The following LINC00632 variants were observed in gnomAD, a reference collection of about 807,000 sequenced individuals.
The protein encoded by LINC00632 is long independently transcribed non-coding RNA 632, also known as ALDOA related specific transcript.
chrX:140,748,214 A>T (rs980676547), intron 3 of LINC00632, among the ~76,000 whole-genome samples: 1 of 112,151 alleles, frequency 8.9e-6, no homozygotes, highest in African/African-American at 3.2e-5. Flanking sequence ...CTTTACAGAT[A>T]AACAAACTGG....
chrX:140,779,457 T>C (rs762128148), exon 5 of LINC00632, among the ~76,000 whole-genome samples: 12 of 111,973 alleles, frequency 1.1e-4, no homozygotes, highest in Non-Finnish European at 1.7e-4. Context: ...TGACAGTATA[T>C]ATAGTCTAAA....
chrX:140,712,505 C>G (rs1930539256), intron 2 of LINC00632, among the ~76,000 whole-genome samples: 1 of 102,455 alleles, frequency 9.8e-6, no homozygotes, highest in African/African-American at 3.6e-5. Flanking sequence ...GAGGGAAATA[C>G]AAGAAATGTA....
intron 2 of LINC00632, among the ~76,000 whole-genome samples, chrX:140,732,453 C>T (rs1316902839): frequency 1.8e-5 from 2 of 111,659 alleles, no homozygotes; most frequent in East Asian, 2.8e-4. Context: ...TAGACATCCA[C>T]TGGCACACAA....
chrX:140,713,144 A>C (rs866743463), intron 2 of LINC00632, among the ~76,000 whole-genome samples: 18 of 108,758 alleles, frequency 1.7e-4, no homozygotes, highest in Middle Eastern at 4.7e-3. Flanking sequence ...AGTTTTTCTG[A>C]GCTAAACTGC....
At chrX:140,759,476 C>T (rs1437642993) in intron 3 of LINC00632, among the ~76,000 whole-genome samples, 1 of 109,943 alleles carries the variant, frequency 9.1e-6, no homozygotes, top group African/African-American at 3.3e-5. Context: ...CCCGCCTCAG[C>T]CTCCAGAGAA....
At chrX:140,759,289 T>TTTCCTTCCTTCCTTCC (rs796485491) in intron 3 of LINC00632, among the ~76,000 whole-genome samples, 4 of 79,603 alleles carry the variant, frequency 5.0e-5, no homozygotes, top group East Asian at 4.2e-4. Flanking sequence ...TCTTTCTTTC[T>TTTCCTTCCTTCCTTCC]TTCCTTCCTT....
intron 3 of LINC00632, among the ~76,000 whole-genome samples, chrX:140,740,883 G>A (rs1368728331): frequency 8.9e-6 from 1 of 112,235 alleles, no homozygotes; most frequent in Non-Finnish European, 1.9e-5. Flanking sequence ...AATAAAATTA[G>A]AAGCATTCCT....
exon 5 of LINC00632, among the ~76,000 whole-genome samples, chrX:140,787,900 C>G (rs1384258355): frequency 9.1e-6 from 1 of 109,726 alleles, no homozygotes; most frequent in Admixed American, 9.9e-5. Flanking sequence ...GTAAAAGTCC[C>G]AAAAAGAAAA....
intron 2 of LINC00632, among the ~76,000 whole-genome samples, chrX:140,718,718 A>G (rs1014733190): frequency 2.7e-5 from 3 of 111,499 alleles, no homozygotes; most frequent in Non-Finnish European, 5.6e-5. Context: ...GCCTGACTGT[A>G]CCTATTCCGT....
chrX:140,756,226 G>A (rs1931491379), intron 3 of LINC00632, among the ~76,000 whole-genome samples: 1 of 111,950 alleles, frequency 8.9e-6, no homozygotes, highest in South Asian at 3.7e-4. Flanking sequence ...TTTTAGGACA[G>A]ATTTTCTGCA....
At chrX:140,788,854 C>CA in exon 5 of LINC00632, among the ~76,000 whole-genome samples, 1 of 96,361 alleles carries the variant, frequency 1.0e-5, no homozygotes, top group Admixed American at 1.2e-4. Context: ...TATGTATATT[C>CA]CATATATGCA....
intron 3 of LINC00632, among the ~76,000 whole-genome samples, chrX:140,747,529 CAAAAA>C (rs376796176): frequency 7.9e-5 from 5 of 63,248 alleles, no homozygotes; most frequent in Non-Finnish European, 1.4e-4. Flanking sequence ...AAACTCCATC[CAAAAA>C]AAAAAAAAAA....
At chrX:140,713,409 A>C (rs1256481075) in intron 2 of LINC00632, 1 of 286,539 alleles carries the variant, frequency 3.5e-6, no homozygotes, top group East Asian at 1.0e-4. Flanking sequence ...CGGGTTACTT[A>C]AATCTCTTCG....
chrX:140,725,238 TAC>T (rs758165983), intron 2 of LINC00632, among the ~76,000 whole-genome samples: 95 of 20,487 alleles, frequency 4.6e-3, no homozygotes, highest in South Asian at 0.045. Flanking sequence ...ACACATTCCA[TAC>T]ACACACACAC....
At chrX:140,755,335 C>T (rs1464786145) in intron 3 of LINC00632, among the ~76,000 whole-genome samples, 2 of 112,109 alleles carry the variant, frequency 1.8e-5, no homozygotes, top group African/African-American at 6.5e-5. Flanking sequence ...CAATCCTCTG[C>T]CCAAGGTTTT....
At position 140,728,569 on chromosome X, in the gene LINC00632, C is replaced by G. The variant is rs1411666618; in HGVS notation, n.105-5309C>G. 2.7e-5 allele frequency among the ~76,000 whole-genome samples: 3 copies of G among 110,748 alleles called. No homozygotes were observed. The Admixed American group carries it at 2.9e-4, about 11-fold the overall frequency. The stretch of plus-strand genomic sequence containing the variant: ...CATGCCTTTTACAATGCAGCCTCAC[C>G]CCACGAGGTACCCTTGACTGAAACC... On this transcript the variant is annotated intron_variant and non_coding_transcript_variant, in intron 2 of 4. Coordinates refer to ENST00000648200, the Ensembl canonical transcript of LINC00632.
chrX:140,761,117 G>A (rs774416871), intron 3 of LINC00632, among the ~76,000 whole-genome samples: 4 of 92,266 alleles, frequency 4.3e-5, no homozygotes, highest in Non-Finnish European at 6.9e-5. Context: ...TCTGGAACCT[G>A]CTTTTGTTTG....
intron 2 of LINC00632, chrX:140,714,878 A>G (rs1354632077): frequency 1.8e-5 from 2 of 110,411 alleles, no homozygotes; most frequent in African/African-American, 6.6e-5. Context: ...CAAACAAAAA[A>G]AAACAATTAC....
intron 2 of LINC00632, among the ~76,000 whole-genome samples, chrX:140,723,725 CATTCCAA>C: frequency 3.0e-5 from 1 of 33,337 alleles, no homozygotes; most frequent in Non-Finnish European, 6.3e-5. Flanking sequence ...GCCATACACA[CATTCCAA>C]ACACACACAC....
Sources: allele counts gnomAD v4.1 joint callset (sites outside exome capture counted in the v4.1 genomes callset), GRCh38; gene constraint gnomAD v4.1.1; transcripts MANE v1.5; gene names NCBI Gene and HGNC (gene_info 2026-07-23, HGNC 2026-07-21).